The following SGCG variants were observed in gnomAD, a reference collection of about 807,000 sequenced individuals.
SGCG encodes sarcoglycan gamma.
A neutral mutation model predicts 29.3 loss-of-function variants in SGCG; 26 were observed. The observed-to-expected ratio is 0.89, with a 90% CI of 0.65 to 1.23. The LOEUF (loss-of-function observed/expected upper bound fraction) is 1.23. SGCG is among the 50% of genes most tolerant of loss of function. SGCG has a pLI of 0.00. For synonymous variants in SGCG, 145 were observed against 129.7 expected (o/e 1.12, Z -0.80); for missense variants, 353 against 356.0 (o/e 0.99, Z 0.07).
chr13:23,200,942 C>T (rs1877723748), intron 1 of SGCG, among the ~76,000 whole-genome samples: 1 of 152,064 alleles, frequency 6.6e-6, no homozygotes, highest in Non-Finnish European at 1.5e-5. Flanking sequence ...AGGCAGAGAA[C>T]CATGTCCGTC....
chr13:23,209,954 G>A (rs1878129513), intron 2 of SGCG, among the ~76,000 whole-genome samples: 1 of 152,114 alleles, frequency 6.6e-6, no homozygotes, highest in Non-Finnish European at 1.5e-5. Context: ...TCTCTTGCTG[G>A]ATATTGACAA....
intron 4 of SGCG, among the ~76,000 whole-genome samples, chr13:23,270,461 G>A (rs1299875295): frequency 2.6e-5 from 4 of 151,884 alleles, no homozygotes; most frequent in Non-Finnish European, 5.9e-5. Context: ...TAAGTTTGAG[G>A]GCCATTTTTG....
chr13:23,275,146 A>ATATATATAT, intron 4 of SGCG, among the ~76,000 whole-genome samples: 5 of 68,666 alleles, frequency 7.3e-5, no homozygotes, highest in Non-Finnish European at 1.5e-4. Flanking sequence ...TATATATAGA[A>ATATATATAT]ATGAGGACGT....
At chr13:23,250,855 G>C in intron 4 of SGCG, 138 bp downstream of exon 4, 1 of 712,740 alleles carries the variant, frequency 1.4e-6, no homozygotes, top group East Asian at 2.7e-5. Flanking sequence ...ATGCTGTGTT[G>C]ACCACAGACT....
chr13:23,237,423 G>A (rs1023718443), intron 3 of SGCG, among the ~76,000 whole-genome samples: 1 of 152,206 alleles, frequency 6.6e-6, no homozygotes, highest in African/African-American at 2.4e-5. Flanking sequence ...AGCCCACAGT[G>A]TGACAGGGAC....
At chr13:23,306,470 G>A (rs886988425) in intron 6 of SGCG, among the ~76,000 whole-genome samples, 1 of 152,104 alleles carries the variant, frequency 6.6e-6, no homozygotes, top group Non-Finnish European at 1.5e-5. Context: ...GTTTTTAACT[G>A]TATTTGTGTA....
At chr13:23,206,830 G>A (rs990690390) in intron 2 of SGCG, among the ~76,000 whole-genome samples, 3 of 152,178 alleles carry the variant, frequency 2.0e-5, no homozygotes, top group African/African-American at 7.2e-5. Flanking sequence ...ACAAACAAAT[G>A]AGAAGACCTC....
At position 23,300,926 on chromosome 13, in the gene SGCG, T is replaced by C. The variant is rs1882134213; in HGVS notation, c.578+5439T>C. ...GTCAGGAGATCAAGACCATCCTGGC[T>C]AACACGGTGAAACCCCATCTCTACG... On this transcript the variant is annotated intron_variant, in intron 6 of 7. Coordinates refer to ENST00000218867, the MANE Select transcript of SGCG (RefSeq NM_000231.3). Among the ~76,000 whole-genome samples, 3 of 151,416 alleles carry C rather than the reference T, an allele frequency of 2.0e-5. No homozygotes were observed. In the South Asian group the frequency reaches 6.3e-4, roughly 32 times the overall value.
chr13:23,299,722 G>A (rs943862688), intron 6 of SGCG, among the ~76,000 whole-genome samples: 4 of 151,904 alleles, frequency 2.6e-5, no homozygotes, highest in Non-Finnish European at 5.9e-5. Flanking sequence ...AAAGTGCTGG[G>A]ATTACAGGCG....
intron 4 of SGCG, 98 bp from the exon 5 acceptor site, chr13:23,279,261 A>T: frequency 8.7e-7 from 1 of 1,149,014 alleles, no homozygotes; most frequent in Non-Finnish European, 1.3e-6. Flanking sequence ...AAGTCTTTAG[A>T]TACTTGGTAT....
intron 6 of SGCG, among the ~76,000 whole-genome samples, chr13:23,315,729 T>C (rs1223725686): frequency 2.0e-5 from 3 of 152,222 alleles, no homozygotes; most frequent in African/African-American, 2.4e-5. Context: ...AATTATATAC[T>C]GATTCATGGG....
chr13:23,317,320 T>A (rs778993695), intron 6 of SGCG, among the ~76,000 whole-genome samples: 3 of 152,154 alleles, frequency 2.0e-5, no homozygotes, highest in Non-Finnish European at 2.9e-5. Flanking sequence ...AATGGGAAAC[T>A]ACAACAGCCC....
intron 6 of SGCG, among the ~76,000 whole-genome samples, chr13:23,295,982 A>T (rs1199584651): frequency 6.6e-6 from 1 of 150,986 alleles, no homozygotes; most frequent in Non-Finnish European, 1.5e-5. Flanking sequence ...TGACTGTTGC[A>T]TCTCCCTGGG....
intron 6 of SGCG, among the ~76,000 whole-genome samples, chr13:23,312,349 T>C (rs549404815): frequency 6.6e-6 from 1 of 152,248 alleles, no homozygotes; most frequent in Non-Finnish European, 1.5e-5. Context: ...GTAAATCCGG[T>C]TGATTTTGGT....
At chr13:23,259,624 A>C (rs1880347621) in intron 4 of SGCG, among the ~76,000 whole-genome samples, 1 of 151,892 alleles carries the variant, frequency 6.6e-6, no homozygotes, top group East Asian at 1.9e-4. Context: ...TAGTTCTTTT[A>C]ATTGTGATGT....
At chr13:23,173,166 C>T in the SGCG span, among the ~76,000 whole-genome samples, 1 of 152,156 alleles carries the variant, frequency 6.6e-6, no homozygotes, top group South Asian at 2.1e-4. Context: ...GGGCAAGGAT[C>T]TACCCACTCA....
chr13:23,251,897 G>A (rs1879983587), intron 4 of SGCG, among the ~76,000 whole-genome samples: 1 of 148,084 alleles, frequency 6.8e-6, no homozygotes, highest in African/African-American at 2.4e-5. Flanking sequence ...CTTTTTAATG[G>A]TACTTTTACA....
At chr13:23,315,945 C>G (rs1882791507) in intron 6 of SGCG, among the ~76,000 whole-genome samples, 1 of 152,114 alleles carries the variant, frequency 6.6e-6, no homozygotes, top group African/African-American at 2.4e-5. Flanking sequence ...ATAGGATGAC[C>G]CGTTCTGAGG....
the SGCG span, among the ~76,000 whole-genome samples, chr13:23,163,110 T>TA: frequency 6.6e-6 from 1 of 152,172 alleles, no homozygotes; most frequent in African/African-American, 2.4e-5. Context: ...AAATGTGAAG[T>TA]AAAAAAATTG....
Sources: allele counts gnomAD v4.1 joint callset (sites outside exome capture counted in the v4.1 genomes callset), GRCh38; gene constraint gnomAD v4.1.1; transcripts MANE v1.5; gene names NCBI Gene and HGNC (gene_info 2026-07-23, HGNC 2026-07-21).